Variants in LCLAT1 observed in about 807,000 individuals in gnomAD.
LCLAT1 encodes the protein 1-AGP acyltransferase 8.
Under a neutral mutation model 30.7 loss-of-function variants are expected in LCLAT1, and 11 were observed. The observed-to-expected ratio is 0.36, with a 90% CI of 0.23 to 0.59. The LOEUF (loss-of-function observed/expected upper bound fraction) is 0.59, where lower values mean the gene tolerates loss of function less well. Among genes scored for constraint, LCLAT1 ranks in the 20% least tolerant of loss-of-function variants. The pLI, the probability that LCLAT1 is intolerant of heterozygous loss-of-function variation, is 0.77. For synonymous variants in LCLAT1, 155 were observed against 151.3 expected (o/e 1.02, Z -0.18); for missense variants, 402 against 458.6 (o/e 0.88, Z 1.13).
intron 1 of LCLAT1, among the ~76,000 whole-genome samples, chr2:30,521,646 A>G (rs1421926050): frequency 1.3e-5 from 2 of 151,514 alleles, no homozygotes; most frequent in Non-Finnish European, 2.9e-5. Flanking sequence ...AACTGGGATT[A>G]CAGGCACGCG....
chr2:30,632,263 C>T (rs1668803067), intron 5 of LCLAT1, among the ~76,000 whole-genome samples: 1 of 152,098 alleles, frequency 6.6e-6, no homozygotes, highest in African/African-American at 2.4e-5. Context: ...GAGTACTATC[C>T]TTGACTTAAT....
intron 3 of LCLAT1, among the ~76,000 whole-genome samples, chr2:30,536,650 A>G (rs1160459139): frequency 6.6e-6 from 1 of 152,232 alleles, no homozygotes; most frequent in Non-Finnish European, 1.5e-5. Context: ...CATCTGCAGT[A>G]AAAAAGTGAT....
At chr2:30,523,209 C>T (rs754065378) in intron 1 of LCLAT1, among the ~76,000 whole-genome samples, 1 of 144,266 alleles carries the variant, frequency 6.9e-6, no homozygotes, top group Non-Finnish European at 1.5e-5. Flanking sequence ...GACTGGGGGG[C>T]GGGGTGGGTG....
chr2:30,535,344 A>C (rs1572587047), intron 3 of LCLAT1, among the ~76,000 whole-genome samples: 1 of 152,114 alleles, frequency 6.6e-6, no homozygotes, highest in Non-Finnish European at 1.5e-5. Context: ...GGGGAGAAGA[A>C]GATTAAGAGT....
chr2:30,622,948 C>G (rs923370710), intron 5 of LCLAT1, among the ~76,000 whole-genome samples: 3 of 152,198 alleles, frequency 2.0e-5, no homozygotes, highest in African/African-American at 7.2e-5. Flanking sequence ...GGATCAAAAC[C>G]AAGGCAAAAT....
intron 5 of LCLAT1, among the ~76,000 whole-genome samples, chr2:30,618,033 A>G (rs986041719): frequency 2.6e-5 from 4 of 152,166 alleles, no homozygotes; most frequent in Non-Finnish European, 4.4e-5. Flanking sequence ...GTGCTCTTCA[A>G]TGTCCTATGT....
chr2:30,582,560 G>C (rs571551401), intron 5 of LCLAT1, among the ~76,000 whole-genome samples: 11 of 152,306 alleles, frequency 7.2e-5, no homozygotes, highest in Non-Finnish European at 1.0e-4. Context: ...TTATTATGCA[G>C]CTTTTACAGC....
chr2:30,600,037 G>A (rs1667107753), intron 5 of LCLAT1, among the ~76,000 whole-genome samples: 3 of 152,134 alleles, frequency 2.0e-5, no homozygotes, highest in African/African-American at 7.2e-5. Flanking sequence ...GTGTGTTTTT[G>A]TAGTGGTTGG....
intron 5 of LCLAT1, among the ~76,000 whole-genome samples, chr2:30,580,383 T>C (rs775544730): frequency 2.6e-5 from 4 of 152,172 alleles, no homozygotes; most frequent in African/African-American, 4.8e-5. Flanking sequence ...TAGTAACATC[T>C]TTGAACGTAA....
intron 5 of LCLAT1, among the ~76,000 whole-genome samples, chr2:30,627,918 T>G (rs1004670650): frequency 6.6e-6 from 1 of 152,164 alleles, no homozygotes; most frequent in Admixed American, 6.5e-5. Context: ...AAACTCACAT[T>G]TTAAATTCAA....
chr2:30,621,525 T>G (rs1332036738), intron 5 of LCLAT1, among the ~76,000 whole-genome samples: 1 of 152,130 alleles, frequency 6.6e-6, no homozygotes, highest in Non-Finnish European at 1.5e-5. Flanking sequence ...CAAGAAATAC[T>G]GCAGAAACAT....
chr2:30,632,046 T>C (rs1668792410), intron 5 of LCLAT1, among the ~76,000 whole-genome samples: 1 of 152,174 alleles, frequency 6.6e-6, no homozygotes, highest in South Asian at 2.1e-4. Flanking sequence ...TAAACAGCAC[T>C]GAAAAGATTC....
intron 1 of LCLAT1, among the ~76,000 whole-genome samples, chr2:30,463,996 G>T (rs1381636564): frequency 1.3e-5 from 2 of 152,118 alleles, no homozygotes; most frequent in African/African-American, 4.8e-5. Context: ...AAATTATTGT[G>T]TAAAAATGTA....
At chr2:30,521,878 A>G (rs973836503) in intron 1 of LCLAT1, among the ~76,000 whole-genome samples, 13 of 152,072 alleles carry the variant, frequency 8.5e-5, no homozygotes, top group Admixed American at 5.2e-4. Flanking sequence ...CCAACCGCTG[A>G]TCTGTTTCCT....
intron 3 of LCLAT1, among the ~76,000 whole-genome samples, chr2:30,557,258 T>G (rs1023153717): frequency 6.6e-6 from 1 of 150,782 alleles, no homozygotes; most frequent in Admixed American, 6.6e-5. Context: ...ATAAACACAT[T>G]GTAGGACAGT....
At chr2:30,630,318 A>G (rs1306711305) in intron 5 of LCLAT1, among the ~76,000 whole-genome samples, 1 of 152,206 alleles carries the variant, frequency 6.6e-6, no homozygotes, top group Non-Finnish European at 1.5e-5. Context: ...GGGCATCAAC[A>G]TAAGAATCTT....
chr2:30,623,588 A>C (rs539034924), intron 5 of LCLAT1, among the ~76,000 whole-genome samples: 1 of 152,236 alleles, frequency 6.6e-6, no homozygotes, highest in Admixed American at 6.5e-5. Context: ...GAAAAAAAAA[A>C]CAACAAAGCG....
At chr2:30,596,260 A>G (rs559200332) in intron 5 of LCLAT1, among the ~76,000 whole-genome samples, 3 of 152,186 alleles carry the variant, frequency 2.0e-5, no homozygotes, top group Admixed American at 2.0e-4. Flanking sequence ...TCCCACCAAC[A>G]ATGTAAAAGC....
At chr2:30,637,726 C>T (rs2602796) in intron 5 of LCLAT1, among the ~76,000 whole-genome samples, 14,393 of 152,184 alleles carry the variant, frequency 0.095, 724 homozygotes, top group East Asian at 0.11. Context: ...TACAAGCGTG[C>T]GCCACCACGC....
Sources: gnomAD v4.1 joint callset for allele counts (sites outside exome capture counted in the v4.1 genomes callset) on GRCh38, gnomAD v4.1.1 for gene constraint, MANE v1.5 for transcripts, NCBI Gene and HGNC (gene_info 2026-07-23, HGNC 2026-07-21) for gene names.